RTL4: variants seen among roughly 807,000 people sequenced by gnomAD.
The protein encoded by RTL4 is retrotransposon Gag-like protein 4.
A neutral mutation model predicts 5.3 loss-of-function variants in RTL4; 4 were observed. The ratio of observed to expected loss-of-function variants is 0.75; its 90% confidence interval spans 0.37 to 1.72. The LOEUF is 1.72. Among genes scored for constraint, RTL4 ranks in the 40% most tolerant of loss-of-function variants. The pLI is 0.04. For synonymous variants in RTL4, 98 were observed against 87.3 expected (o/e 1.12, Z -0.68); for missense variants, 260 against 227.1 (o/e 1.14, Z -0.93).
the RTL4 span, among the ~76,000 whole-genome samples, chrX:112,203,618 C>T: frequency 9.0e-6 from 1 of 110,983 alleles, no homozygotes; most frequent in Non-Finnish European, 1.9e-5. Flanking sequence ...GTGTCTGTCC[C>T]TCCACTGATA....
At chrX:112,181,040 C>A in the RTL4 span, among the ~76,000 whole-genome samples, 1 of 111,647 alleles carries the variant, frequency 9.0e-6, no homozygotes, top group Admixed American at 9.5e-5. Flanking sequence ...TGAGCAGAAG[C>A]AGGGTGGGGC....
At chrX:112,358,275 ATT>A in the RTL4 span, among the ~76,000 whole-genome samples, 6 of 92,991 alleles carry the variant, frequency 6.5e-5, no homozygotes, top group Non-Finnish European at 1.1e-4. Flanking sequence ...TAACTTATGC[ATT>A]TTTTTTTTTT....
the RTL4 span, among the ~76,000 whole-genome samples, chrX:112,442,329 C>T: frequency 9.2e-6 from 1 of 109,150 alleles, no homozygotes; most frequent in Non-Finnish European, 1.9e-5. Context: ...CAACCTCCAC[C>T]GCCTGAGTTC....
At chrX:112,227,509 T>C in the RTL4 span, among the ~76,000 whole-genome samples, 1 of 111,284 alleles carries the variant, frequency 9.0e-6, no homozygotes, top group African/African-American at 3.3e-5. Context: ...GCCAGGGTAC[T>C]CCCGGGTCAT....
At chrX:112,223,405 A>G in the RTL4 span, among the ~76,000 whole-genome samples, 3 of 112,139 alleles carry the variant, frequency 2.7e-5, no homozygotes, top group African/African-American at 9.7e-5. Context: ...AAAGAATCCT[A>G]TTTCCTTGAT....
At chrX:112,289,773 ATGTGTG>A in the RTL4 span, among the ~76,000 whole-genome samples, 1,092 of 106,003 alleles carry the variant, frequency 0.01, 13 homozygotes, top group African/African-American at 0.034. Context: ...TGTATAATAT[ATGTGTG>A]TGTGTGTGTG....
chrX:112,192,989 G>A, the RTL4 span, among the ~76,000 whole-genome samples: 239 of 111,329 alleles, frequency 2.1e-3, no homozygotes, highest in Middle Eastern at 4.7e-3. Context: ...ATTTTAATTT[G>A]TACTTCCTAT....
the RTL4 span, among the ~76,000 whole-genome samples, chrX:112,424,749 G>GT: frequency 9.0e-6 from 1 of 110,897 alleles, no homozygotes; most frequent in African/African-American, 3.3e-5. Context: ...ACTGAAGTTG[G>GT]TTTTTTTACA....
At chrX:112,189,248 GA>G in the RTL4 span, among the ~76,000 whole-genome samples, 1 of 109,920 alleles carries the variant, frequency 9.1e-6, no homozygotes, top group Admixed American at 9.7e-5. Flanking sequence ...AAAGGAAAGA[GA>G]AAAAGAAACC....
chrX:112,200,540 G>A, the RTL4 span, among the ~76,000 whole-genome samples: 1 of 111,599 alleles, frequency 9.0e-6, no homozygotes, highest in Non-Finnish European at 1.9e-5. Flanking sequence ...ACTAACGAAG[G>A]GGTCAAAAAT....
the RTL4 span, among the ~76,000 whole-genome samples, chrX:112,260,229 G>A: frequency 3.6e-5 from 4 of 111,270 alleles, no homozygotes; most frequent in Non-Finnish European, 7.5e-5. Flanking sequence ...AGGGGCCCCT[G>A]AAGGAAATAG....
At chrX:112,269,675 C>G in the RTL4 span, among the ~76,000 whole-genome samples, 1 of 112,051 alleles carries the variant, frequency 8.9e-6, no homozygotes, top group Non-Finnish European at 1.9e-5. Flanking sequence ...CTGGGCCTAA[C>G]CACAGGTCTC....
chrX:112,103,169 A>G, the RTL4 span, among the ~76,000 whole-genome samples: 6 of 111,710 alleles, frequency 5.4e-5, no homozygotes, highest in African/African-American at 2.0e-4. Context: ...TGGCAAAGAT[A>G]TGGAATCAAC....
chrX:112,380,500 A>C, the RTL4 span, among the ~76,000 whole-genome samples: 3 of 112,027 alleles, frequency 2.7e-5, no homozygotes, highest in Non-Finnish European at 3.8e-5. Context: ...ATTTCATTAT[A>C]AGGAGGAACT....
the RTL4 span, among the ~76,000 whole-genome samples, chrX:112,295,269 C>G: frequency 9.0e-6 from 1 of 111,130 alleles, no homozygotes; most frequent in Non-Finnish European, 1.9e-5. Flanking sequence ...AGTCTTCCAC[C>G]ACTGAGACCT....
the RTL4 span, among the ~76,000 whole-genome samples, chrX:112,344,694 A>T: frequency 8.9e-6 from 1 of 112,096 alleles, no homozygotes; most frequent in East Asian, 2.8e-4. Context: ...ATCAAGTGCC[A>T]TTACTTTTTA....
the RTL4 span, among the ~76,000 whole-genome samples, chrX:112,270,707 G>A: frequency 1.8e-5 from 2 of 111,184 alleles, no homozygotes; most frequent in Non-Finnish European, 3.8e-5. Flanking sequence ...TTGACAATTA[G>A]GAGGTGGCAT....
At chrX:112,142,830 A>T in the RTL4 span, among the ~76,000 whole-genome samples, 17 of 110,755 alleles carry the variant, frequency 1.5e-4, no homozygotes, top group South Asian at 1.9e-3. Context: ...CAAAGGAGAA[A>T]TTTTTTTTCT....
the RTL4 span, among the ~76,000 whole-genome samples, chrX:112,326,558 A>G: frequency 8.9e-6 from 1 of 111,897 alleles, no homozygotes; most frequent in African/African-American, 3.3e-5. Context: ...TCAAACTGCA[A>G]GGTGGCAGCG....
Sources: allele counts gnomAD v4.1 joint callset (sites outside exome capture counted in the v4.1 genomes callset), GRCh38; gene constraint gnomAD v4.1.1; transcripts MANE v1.5; gene names NCBI Gene and HGNC (gene_info 2026-07-23, HGNC 2026-07-21).